Variants in LHX4 observed in about 807,000 individuals in gnomAD.
LHX4 encodes LIM/homeobox protein Lhx4.
Under a neutral mutation model 39.2 loss-of-function variants are expected in LHX4, and 16 were observed. The observed-to-expected ratio is 0.41, with a 90% confidence interval of 0.28 to 0.62. The LOEUF (loss-of-function observed/expected upper bound fraction) is 0.62. Ranked by LOEUF, LHX4 falls within the 20% of genes least tolerant of loss-of-function variation. The probability of loss-of-function intolerance (pLI) is 0.33; values close to 1 mark genes in which losing one functional copy is unlikely to be tolerated. For synonymous variants in LHX4, 206 were observed against 198.1 expected (o/e 1.04, Z -0.33); for missense variants, 439 against 511.9 (o/e 0.86, Z 1.37).
chr1:180,239,590 GC>G (rs1664402769), intron 1 of LHX4, among the ~76,000 whole-genome samples: 1 of 152,192 alleles, frequency 6.6e-6, no homozygotes, highest in African/African-American at 2.4e-5. Context: ...AAGGTTTTGG[GC>G]AAAAATCCCA....
At chr1:180,271,801 C>T (rs1648678711) in intron 4 of LHX4, 34 bp from the exon 5 acceptor site, 1 of 1,612,360 alleles carries the variant, frequency 6.2e-7, no homozygotes, top group Non-Finnish European at 8.5e-7. Flanking sequence ...GTGGTGGACG[C>T]CCCCTGAGTA....
At chr1:180,233,987 C>T (rs1446379578) in intron 1 of LHX4, among the ~76,000 whole-genome samples, 1 of 150,976 alleles carries the variant, frequency 6.6e-6, no homozygotes, top group Non-Finnish European at 1.5e-5. Flanking sequence ...CAGCGCAGGT[C>T]GAGTTGCAGA....
upstream of LHX4, among the ~76,000 whole-genome samples, chr1:180,229,668 C>G (rs974873092): frequency 2.0e-5 from 3 of 151,668 alleles, no homozygotes; most frequent in Non-Finnish European, 4.4e-5. Context: ...CGCGCTCCGT[C>G]CGGCGGAGCG....
chr1:180,259,489 C>T (rs1438109275), intron 2 of LHX4, among the ~76,000 whole-genome samples: 20 of 151,558 alleles, frequency 1.3e-4, no homozygotes, highest in Admixed American at 1.3e-3. Context: ...CCCGGGTGTG[C>T]GAGTGGAAGG....
chr1:180,254,661 G>A (rs1042802236), intron 2 of LHX4, among the ~76,000 whole-genome samples: 5 of 152,178 alleles, frequency 3.3e-5, no homozygotes, highest in East Asian at 1.9e-4. Context: ...AAACAGGCTC[G>A]ACCCCTCTGC....
At chr1:180,231,554 TCG>T (rs3041737) in intron 1 of LHX4, among the ~76,000 whole-genome samples, 59,905 of 132,322 alleles carry the variant, frequency 0.45, 14,290 homozygotes, top group African/African-American at 0.57. Context: ...TGCCCAGTCG[TCG>T]CGCGCGCGCG....
At chr1:180,258,989 G>C (rs573937905) in intron 2 of LHX4, among the ~76,000 whole-genome samples, 3 of 152,204 alleles carry the variant, frequency 2.0e-5, no homozygotes, top group East Asian at 1.9e-4. Context: ...GGTGCGGGGG[G>C]TGTTGGTAGG....
rs1649191390 is a variant in LHX4 at position 180,278,685 on chromosome 1, G to T, written c.*4106G>T. 6.6e-6 allele frequency: 1 copy of T among 151,568 alleles called. No homozygotes were observed. Among genetic ancestry groups the T allele is most frequent in the Non-Finnish European group, 1.5e-5 (1 of 67,976 alleles). The allele number at this position is 151,568 out of a possible 1,614,324, so 9.4% of individuals were successfully genotyped here. The stretch of plus-strand genomic sequence containing the variant: ...CGGCCAAACAAGCAGGTTCAGGGCT[G>T]CGGGATTCCAGAAGTTGCTCTGAGC... On this transcript the variant is annotated 3_prime_UTR_variant, in exon 6 of 6. Transcript: ENST00000263726.
In LHX4 at chr1:180,277,236, T is replaced by G. The variant is rs1428770425; in HGVS notation, c.*2657T>G. Reference sequence around the variant, plus strand: ...CTGGTGCCACTAATGAGCCATTGCATGACAGGACTCTTCTGGGGTTTGGAA... The same window carrying G: ...CTGGTGCCACTAATGAGCCATTGCAGGACAGGACTCTTCTGGGGTTTGGAA... On this transcript the variant is annotated 3_prime_UTR_variant, in exon 6 of 6. Coordinates refer to ENST00000263726, the MANE Select transcript of LHX4 (RefSeq NM_033343.4). 4 of 152,248 alleles carry G rather than the reference T, an allele frequency of 2.6e-5. No homozygotes were observed. Among genetic ancestry groups the G allele is most frequent in the Non-Finnish European group, 5.9e-5 (4 of 68,062 alleles). 9.4% of individuals were successfully genotyped at this position (152,248 alleles called of 1,614,324 possible).
Position 180,274,286 on chromosome 1 carries a change from G to A in LHX4, c.880G>A (p.Gly294Arg), listed in dbSNP as rs1274360714. Residue 294 changes from glycine to arginine, a missense_variant, in exon 6 of 6, where the codon GGG becomes AGG. Physicochemically the swap from Gly to Arg is moderately radical, Grantham distance 125. Transcript: ENST00000263726. ...QLMNGSFSMD[G>R]TGQSYQDLRD... is the part of the protein sequence containing the mutation. ...AATGAATGGGAGCTTCTCCATGGACGGGACAGGACAATCCTATCAGGACTT... is the reference window on the plus strand; with the variant it reads ...AATGAATGGGAGCTTCTCCATGGACAGGACAGGACAATCCTATCAGGACTT... The A allele has an allele frequency of 2.5e-6, 4 of 1,614,178 alleles. No individual in the cohort carries two copies. The highest frequency in any genetic ancestry group is 1.6e-4 in the Middle Eastern group (1 of 6,062).
At chr1:180,273,775 A>C (rs1272016695) in intron 5 of LHX4, 1 of 247,614 alleles carries the variant, frequency 4.0e-6, no homozygotes, top group Non-Finnish European at 8.0e-6. Flanking sequence ...AATCAACTAA[A>C]CCAAGCCCTT....
intron 2 of LHX4, among the ~76,000 whole-genome samples, chr1:180,265,533 G>A (rs916112649): frequency 4.6e-5 from 7 of 152,200 alleles, no homozygotes; most frequent in African/African-American, 1.4e-4. Context: ...CTTCCTTCCC[G>A]GCCTTGGCAG....
At chr1:180,251,678 G>A (rs1274644355) in intron 2 of LHX4, among the ~76,000 whole-genome samples, 1 of 152,186 alleles carries the variant, frequency 6.6e-6, no homozygotes, top group African/African-American at 2.4e-5. Flanking sequence ...ATGCTGCAAG[G>A]CGTCTTTGAG....
At chr1:180,258,450 A>G (rs1295230986) in intron 2 of LHX4, among the ~76,000 whole-genome samples, 3 of 152,176 alleles carry the variant, frequency 2.0e-5, no homozygotes, top group Non-Finnish European at 4.4e-5. Context: ...AGTGAGGTAG[A>G]AGCCACTGGA....
chr1:180,259,443 A>T (rs1354054010), intron 2 of LHX4, among the ~76,000 whole-genome samples: 1 of 151,772 alleles, frequency 6.6e-6, no homozygotes, highest in Non-Finnish European at 1.5e-5. Flanking sequence ...GTGGAGGTGC[A>T]TGGTTCACCT....
In LHX4 at chr1:180,234,792, G is replaced by T. The variant is rs1558207546; in HGVS notation, c.76+4187G>T. On this transcript the variant is annotated intron_variant, in intron 1 of 5. Coordinates refer to ENST00000263726, the MANE Select transcript of LHX4 (RefSeq NM_033343.4). The surrounding 1 kb of genome is among the most constrained non-coding windows in gnomAD (Gnocchi z 4.8). ...CCTCTCTTGGCCGAGGTCCGGGCTC[G>T]TGGAAAACCAGAGCTAGGCGGGGCT... Among the ~76,000 whole-genome samples the T allele has an allele frequency of 2.0e-5, 3 of 152,254 alleles. No homozygotes were observed. Among genetic ancestry groups the T allele is most frequent in the South Asian group, 4.1e-4 (2 of 4,838 alleles).
chr1:180,272,783 C>T (rs1272868806), intron 5 of LHX4: 2 of 152,190 alleles, frequency 1.3e-5, no homozygotes, highest in African/African-American at 4.8e-5. Flanking sequence ...TTCTCTTGAG[C>T]CCCAGTATTC....
chr1:180,265,393 T>A (rs1648269962), intron 2 of LHX4, among the ~76,000 whole-genome samples: 4 of 152,190 alleles, frequency 2.6e-5, no homozygotes. Flanking sequence ...TCCTTCACTG[T>A]CCCTGTCGGC....
At chr1:180,258,158 A>G (rs1028471152) in intron 2 of LHX4, among the ~76,000 whole-genome samples, 1 of 152,216 alleles carries the variant, frequency 6.6e-6, no homozygotes, top group African/African-American at 2.4e-5. Context: ...TCAGCAAGAA[A>G]TAAGTGCACA....
Sources: allele counts gnomAD v4.1 joint callset (sites outside exome capture counted in the v4.1 genomes callset), GRCh38; gene constraint gnomAD v4.1.1; non-coding constraint Gnocchi (gnomAD v3.1); transcripts MANE v1.5; gene names NCBI Gene and HGNC (gene_info 2026-07-23, HGNC 2026-07-21).